Variants in ZFHX3 observed in about 807,000 individuals in gnomAD.
ZFHX3 encodes the protein zinc finger homeobox 3.
Under a neutral mutation model 279.1 loss-of-function variants are expected in ZFHX3, and 42 were observed. That is an observed-to-expected ratio of 0.15 (90% confidence interval 0.12 to 0.19). The LOEUF is 0.19. ZFHX3 is among the 10% of genes least tolerant of loss of function. The probability of loss-of-function intolerance (pLI) is 1.00; values close to 1 mark genes in which losing one functional copy is unlikely to be tolerated. For missense variants in ZFHX3, 4,981 were observed against 4,754.0 expected, an observed-to-expected ratio of 1.05 and a Z score of -1.40; for synonymous variants, 2,293 against 1,957.8, an observed-to-expected ratio of 1.17 and a Z score of -4.52.
rs537774227 is a variant in ZFHX3, at chr16:73,136,152, T to C, written c.-1023-5058A>G. Among the ~76,000 whole-genome samples the C allele has an allele frequency of 1.4e-4, 22 of 152,298 alleles. No homozygotes were observed. In the South Asian group the frequency reaches 3.9e-3, roughly 27 times the overall value. On this transcript the variant is annotated intron_variant, in intron 6 of 17. Coordinates refer to the ZFHX3 transcript ENST00000641206. ...ATTACAGGCGTGATTATTTGTATTA[T>C]TTGCATAATCCATGGAGCCACTTGA...
Position 72,959,973 on chromosome 16 carries a change from T to G in ZFHX3, c.173A>C (p.Asn58Thr). The G allele has an allele frequency of 6.2e-7, 1 of 1,611,426 alleles. No individual in the cohort carries two copies. The highest frequency in any genetic ancestry group is 1.1e-5 in the South Asian group (1 of 90,812). ...GPLDSLRAPF[N>T]ERLAESTASA... The stretch of plus-strand genomic sequence containing the variant: ...CGCGGTGCTCTCCGCGAGGCGCTCA[T>G]TGAAGGGGGCCCTCAGGCTGTCCAA... The change falls in exon 2 of 10, where the codon AAT (asparagine) becomes ACT (threonine). Residue 58 changes from asparagine (N) to threonine (T), a missense_variant. By Grantham distance (65) the Asn-to-Thr change is moderately conservative. Around this residue, in one of 7 missense-constraint regions of ZFHX3, gnomAD observed 1,068 missense variants for 935.2 expected, o/e 1.14. Transcript: ENST00000268489.
intron 1 of ZFHX3, among the ~76,000 whole-genome samples, chr16:73,768,902 A>C (rs542393364): frequency 2.0e-5 from 3 of 152,304 alleles, no homozygotes; most frequent in African/African-American, 7.2e-5. Flanking sequence ...GGAAGAGTGA[A>C]CCCACATACC....
chr16:73,138,813 G>C (rs187222434), intron 6 of ZFHX3, among the ~76,000 whole-genome samples: 1 of 152,010 alleles, frequency 6.6e-6, no homozygotes, highest in Non-Finnish European at 1.5e-5. Flanking sequence ...TCAGCCTCCC[G>C]AGTAGCTGGG....
At chr16:73,440,066 G>C (rs149512407) in intron 3 of ZFHX3, among the ~76,000 whole-genome samples, 103 of 152,184 alleles carry the variant, frequency 6.8e-4, no homozygotes, top group South Asian at 2.1e-3. Flanking sequence ...AACTAAGTGA[G>C]GGTTCATTGA....
chr16:73,805,431 AGT>A (rs1158308976), intron 1 of ZFHX3, among the ~76,000 whole-genome samples: 2 of 152,154 alleles, frequency 1.3e-5, no homozygotes, highest in African/African-American at 4.8e-5. Flanking sequence ...TGCCTCCCAA[AGT>A]GCTGGGATTA....
chr16:73,077,457 C>T (rs778422019), intron 8 of ZFHX3, among the ~76,000 whole-genome samples: 10 of 151,528 alleles, frequency 6.6e-5, no homozygotes, highest in Non-Finnish European at 1.2e-4. Flanking sequence ...TTCTTTCAGT[C>T]TTTCCACGTT....
At chr16:73,592,390 A>G (rs2052008733) in intron 2 of ZFHX3, among the ~76,000 whole-genome samples, 1 of 152,182 alleles carries the variant, frequency 6.6e-6, no homozygotes, top group African/African-American at 2.4e-5. Flanking sequence ...GAAATAAGAT[A>G]TTATGATTGA....
chr16:73,649,677 A>G (rs1476561347), intron 2 of ZFHX3, among the ~76,000 whole-genome samples: 1 of 152,216 alleles, frequency 6.6e-6, no homozygotes, highest in Non-Finnish European at 1.5e-5. Context: ...CTTCCTAGCC[A>G]GTTAGATTCT....
chr16:73,707,136 C>T (rs2053312722), intron 1 of ZFHX3, among the ~76,000 whole-genome samples: 1 of 152,156 alleles, frequency 6.6e-6, no homozygotes, highest in South Asian at 2.1e-4. Context: ...TTGAAGTCAT[C>T]AGCCAATTTT....
intron 5 of ZFHX3, among the ~76,000 whole-genome samples, chr16:73,230,306 G>A (rs940968342): frequency 5.9e-5 from 9 of 152,314 alleles, no homozygotes; most frequent in African/African-American, 2.2e-4. Flanking sequence ...GAATACCAAT[G>A]AAGATAATGA....
chr16:73,126,509 A>G (rs1218658038), intron 7 of ZFHX3: 2 of 152,206 alleles, frequency 1.3e-5, no homozygotes, highest in African/African-American at 2.4e-5. Context: ...GGTGAATGAT[A>G]GTATTAGATG....
At position 72,968,936 on chromosome 16, in the gene ZFHX3, A is replaced by G. The variant is rs536266981; in HGVS notation, c.-49-8742T>C. ...TGTATGTGTATCAGTATATACATAC[A>G]TACACATACACATATATACACACAT... On this transcript the variant is annotated intron_variant, in intron 1 of 9. Coordinates refer to ENST00000268489, the MANE Select transcript of ZFHX3 (RefSeq NM_006885.4). 2.0e-5 allele frequency among the ~76,000 whole-genome samples: 3 copies of G among 152,322 alleles called. No individual in the cohort carries two copies. The East Asian group carries it at 5.8e-4, about 29-fold the overall frequency.
intron 3 of ZFHX3, among the ~76,000 whole-genome samples, chr16:73,370,915 G>A (rs542341460): frequency 1.3e-5 from 2 of 152,306 alleles, no homozygotes; most frequent in East Asian, 1.9e-4. Flanking sequence ...ATGTATGGGT[G>A]GCTGACAACC....
chr16:73,418,864 C>A (rs553091687), intron 3 of ZFHX3, among the ~76,000 whole-genome samples: 6 of 152,200 alleles, frequency 3.9e-5, no homozygotes, highest in Non-Finnish European at 8.8e-5. Flanking sequence ...TACTTTTTCA[C>A]GTCCTCCCTG....
At chr16:73,105,714 C>G (rs368058889) in intron 7 of ZFHX3, among the ~76,000 whole-genome samples, 1,659 of 152,214 alleles carry the variant, frequency 0.011, 29 homozygotes, top group South Asian at 0.074. Context: ...GATCGTGCCA[C>G]TGCACTCCAG....
chr16:73,127,256 C>T, intron 7 of ZFHX3: 3 of 1,099,956 alleles, frequency 2.7e-6, no homozygotes, highest in Non-Finnish European at 3.6e-6. Context: ...GAGCTAAAGG[C>T]TGCCGATAGG....
chr16:72,799,281 T>A (rs1298383800), intron 8 of ZFHX3, among the ~76,000 whole-genome samples: 1 of 152,232 alleles, frequency 6.6e-6, no homozygotes, highest in Admixed American at 6.5e-5. Flanking sequence ...CCATCTCTAT[T>A]CAATAAGCAA....
At chr16:72,977,454 A>G (rs1231185530) in intron 1 of ZFHX3, among the ~76,000 whole-genome samples, 1 of 152,084 alleles carries the variant, frequency 6.6e-6, no homozygotes, top group Non-Finnish European at 1.5e-5. Flanking sequence ...CAGAGAGGGG[A>G]GTCTTATTCT....
chr16:72,819,398 C>G (rs1013671824), intron 5 of ZFHX3, among the ~76,000 whole-genome samples: 1 of 152,182 alleles, frequency 6.6e-6, no homozygotes, highest in Non-Finnish European at 1.5e-5. Context: ...TCACTGAGAT[C>G]GCAGCCTTGA....
Sources: gnomAD v4.1 joint callset for allele counts (sites outside exome capture counted in the v4.1 genomes callset) on GRCh38, gnomAD v4.1.1 for gene constraint, gnomAD v4.1.1 regional missense constraint, MANE v1.5 for transcripts, NCBI Gene and HGNC (gene_info 2026-07-23, HGNC 2026-07-21) for gene names.